RBFOX3: variants seen among roughly 807,000 people sequenced by gnomAD.
The protein encoded by RBFOX3 is RNA binding protein fox-1 homolog 3.
Under a neutral mutation model 48.7 loss-of-function variants are expected in RBFOX3, and 17 were observed. The ratio of observed to expected loss-of-function variants is 0.35; its 90% CI spans 0.24 to 0.52. RBFOX3 has a LOEUF of 0.52. Ranked by LOEUF, RBFOX3 falls within the 20% of genes least tolerant of loss-of-function variation. The pLI, the probability that RBFOX3 is intolerant of heterozygous loss-of-function variation, is 0.94. For synonymous variants in RBFOX3, 212 were observed against 209.5 expected (o/e 1.01, Z -0.10); for missense variants, 382 against 497.5 (o/e 0.77, Z 2.21).
chr17:79,287,066 G>A (rs1412062832), intron 3 of RBFOX3, among the ~76,000 whole-genome samples: 3 of 152,232 alleles, frequency 2.0e-5, no homozygotes, highest in South Asian at 2.1e-4. Context: ...GGCTCACACC[G>A]GGGCAAGCAG....
chr17:79,182,505 G>C (rs1453625455), intron 4 of RBFOX3, among the ~76,000 whole-genome samples: 1 of 152,132 alleles, frequency 6.6e-6, no homozygotes, highest in African/African-American at 2.4e-5. Flanking sequence ...ATTCCGCATT[G>C]GGTGGCAGCG....
At chr17:79,575,894 A>G (rs2092842669) in intron 1 of RBFOX3, among the ~76,000 whole-genome samples, 1 of 152,166 alleles carries the variant, frequency 6.6e-6, no homozygotes, top group Non-Finnish European at 1.5e-5. Context: ...GAAACCACTG[A>G]TCCAAACCAA....
intron 3 of RBFOX3, among the ~76,000 whole-genome samples, chr17:79,291,303 C>G (rs535898736): frequency 6.6e-6 from 1 of 152,168 alleles, no homozygotes; most frequent in Non-Finnish European, 1.5e-5. Flanking sequence ...GGGAAAAGAG[C>G]GAGAGCTCGC....
intron 4 of RBFOX3, among the ~76,000 whole-genome samples, chr17:79,185,514 T>C (rs2053220774): frequency 6.6e-6 from 1 of 152,098 alleles, no homozygotes; most frequent in Non-Finnish European, 1.5e-5. Context: ...AGGTTGTTCT[T>C]GCTTGTTCCA....
At chr17:79,405,874 C>G (rs375022836) in intron 2 of RBFOX3, among the ~76,000 whole-genome samples, 1 of 152,236 alleles carries the variant, frequency 6.6e-6, no homozygotes, top group Non-Finnish European at 1.5e-5. Flanking sequence ...CCAGGGCAAC[C>G]ACTGTCTTCA....
At chr17:79,433,402 T>C (rs189810162) in intron 2 of RBFOX3, among the ~76,000 whole-genome samples, 1 of 152,344 alleles carries the variant, frequency 6.6e-6, no homozygotes, top group African/African-American at 2.4e-5. Flanking sequence ...ACTTCTGTCA[T>C]GTGACTTTGT....
chr17:79,274,589 C>T (rs1445666241), intron 3 of RBFOX3, among the ~76,000 whole-genome samples: 1 of 152,102 alleles, frequency 6.6e-6, no homozygotes, highest in East Asian at 1.9e-4. Flanking sequence ...TCGTGGGGCT[C>T]AGGGAGCCCT....
chr17:79,430,084 C>G (rs2068134831), intron 2 of RBFOX3, among the ~76,000 whole-genome samples: 1 of 152,130 alleles, frequency 6.6e-6, no homozygotes, highest in Non-Finnish European at 1.5e-5. Flanking sequence ...ACCAACCCAG[C>G]TCTAGGATTG....
chr17:79,278,973 A>G (rs2069596153), intron 3 of RBFOX3, among the ~76,000 whole-genome samples: 1 of 152,166 alleles, frequency 6.6e-6, no homozygotes, highest in African/African-American at 2.4e-5. Flanking sequence ...ACATCTCCAC[A>G]TGCTCCTCTC....
At chr17:79,638,056 C>T in the RBFOX3 span, among the ~76,000 whole-genome samples, 2 of 147,414 alleles carry the variant, frequency 1.4e-5, no homozygotes, top group African/African-American at 2.5e-5. Context: ...AACAAAAACA[C>T]AATACACCAA....
intron 3 of RBFOX3, among the ~76,000 whole-genome samples, chr17:79,270,853 C>T (rs1476402790): frequency 6.6e-6 from 1 of 152,258 alleles, no homozygotes; most frequent in Admixed American, 6.5e-5. Flanking sequence ...GTACTACACG[C>T]CATCTTCATC....
At chr17:79,555,733 G>T (rs2091685823) in intron 1 of RBFOX3, among the ~76,000 whole-genome samples, 1 of 152,202 alleles carries the variant, frequency 6.6e-6, no homozygotes, top group South Asian at 2.1e-4. Flanking sequence ...GGCAGTGATG[G>T]TGATTATGAT....
intron 5 of RBFOX3, among the ~76,000 whole-genome samples, chr17:79,108,362 G>A (rs987366047): frequency 6.6e-6 from 1 of 152,386 alleles, no homozygotes; most frequent in East Asian, 1.9e-4. Context: ...CGAGCAAGAG[G>A]AGGAAAGCCA....
intron 3 of RBFOX3, among the ~76,000 whole-genome samples, chr17:79,278,113 T>C (rs2069350030): frequency 6.6e-6 from 1 of 152,110 alleles, no homozygotes; most frequent in Non-Finnish European, 1.5e-5. Flanking sequence ...ACATCTGGAA[T>C]TGAGATGGCC....
intron 2 of RBFOX3, among the ~76,000 whole-genome samples, chr17:79,343,033 G>A (rs138225428): frequency 4.3e-4 from 65 of 152,254 alleles, no homozygotes; most frequent in African/African-American, 1.5e-3. Flanking sequence ...TCAGATTGAA[G>A]AGTGTTGAGT....
chr17:79,538,701 A>G (rs1555789383), intron 1 of RBFOX3, among the ~76,000 whole-genome samples: 3 of 152,192 alleles, frequency 2.0e-5, no homozygotes, highest in Non-Finnish European at 4.4e-5. Flanking sequence ...GATCGGCAGG[A>G]AACAGGTGCC....
chr17:79,604,506 A>C (rs1270675648), intron 1 of RBFOX3, among the ~76,000 whole-genome samples: 2 of 152,246 alleles, frequency 1.3e-5, no homozygotes, highest in East Asian at 3.9e-4. Flanking sequence ...GGGGTGGGGA[A>C]GAAGAGGTCA....
At chr17:79,272,243 G>C (rs2067865677) in intron 3 of RBFOX3, among the ~76,000 whole-genome samples, 1 of 152,146 alleles carries the variant, frequency 6.6e-6, no homozygotes, top group South Asian at 2.1e-4. Context: ...TTTGTGGCTG[G>C]GGGCGGGGGG....
At chr17:79,663,370 C>T in the RBFOX3 span, among the ~76,000 whole-genome samples, 3 of 152,156 alleles carry the variant, frequency 2.0e-5, no homozygotes, top group African/African-American at 7.2e-5. Flanking sequence ...ACTCTTAATG[C>T]AGCCAAAGAG....
Sources: gnomAD v4.1 joint callset for allele counts (sites outside exome capture counted in the v4.1 genomes callset) on GRCh38, gnomAD v4.1.1 for gene constraint, MANE v1.5 for transcripts, NCBI Gene and HGNC (gene_info 2026-07-23, HGNC 2026-07-21) for gene names.